TTC6: variants seen among roughly 807,000 people sequenced by gnomAD.
TTC6 encodes the protein tetratricopeptide repeat protein 6.
A neutral mutation model predicts 210.4 loss-of-function variants in TTC6; 172 were observed. The observed-to-expected ratio is 0.82, with a 90% confidence interval of 0.72 to 0.93. The LOEUF (loss-of-function observed/expected upper bound fraction) is 0.93, where lower values mean the gene tolerates loss of function less well. TTC6 is among the 40% of genes least tolerant of loss of function. The probability of loss-of-function intolerance (pLI) is 0.00; values close to 1 mark genes in which losing one functional copy is unlikely to be tolerated. For synonymous variants in TTC6, 804 were observed against 819.6 expected (o/e 0.98, Z 0.32); for missense variants, 2,414 against 2,318.1 (o/e 1.04, Z -0.85).
intron 28 of TTC6, 87 bp downstream of exon 30, chr14:37,826,434 T>C: frequency 8.5e-7 from 1 of 1,180,436 alleles, no homozygotes. Context: ...CTGTTAGCTT[T>C]TTAAAGTGAC....
intron 10 of TTC6, among the ~76,000 whole-genome samples, chr14:37,741,034 ACT>A (rs2095917401): frequency 6.6e-6 from 1 of 152,044 alleles, no homozygotes; most frequent in African/African-American, 2.4e-5. Flanking sequence ...CTAATAACTG[ACT>A]CTGAAATTTG....
At chr14:37,624,140 G>A (rs573365821) in intron 1 of TTC6, among the ~76,000 whole-genome samples, 3 of 152,282 alleles carry the variant, frequency 2.0e-5, no homozygotes, top group African/African-American at 4.8e-5. Flanking sequence ...GCAAAAACAG[G>A]TATGAACAAG....
chr14:37,720,064 A>T (rs890857258), intron 6 of TTC6, among the ~76,000 whole-genome samples: 1 of 152,230 alleles, frequency 6.6e-6, no homozygotes, highest in Admixed American at 6.5e-5. Context: ...TAGGATATAT[A>T]GATGGCAAAG....
intron 10 of TTC6, among the ~76,000 whole-genome samples, chr14:37,747,835 C>A (rs893405545): frequency 4.6e-5 from 7 of 152,154 alleles, no homozygotes; most frequent in Non-Finnish European, 7.3e-5. Flanking sequence ...AAGGAGCCAG[C>A]CAGTCAGAAG....
chr14:37,812,283 T>C (rs761959256), intron 24 of TTC6, 31 bp from the exon 27 acceptor site: 2 of 1,601,736 alleles, frequency 1.2e-6, no homozygotes, highest in African/African-American at 1.3e-5. Flanking sequence ...CTCTAAAAAG[T>C]TGAATCTATG....
chr14:37,795,651 A>T (rs927848080), intron 18 of TTC6, among the ~76,000 whole-genome samples: 9 of 152,154 alleles, frequency 5.9e-5, no homozygotes, highest in African/African-American at 1.7e-4. Context: ...CATAAGAGTA[A>T]GGTAACGTAT....
intron 10 of TTC6, 142 bp downstream of exon 12, chr14:37,739,297 C>G: frequency 4.4e-6 from 4 of 917,538 alleles, no homozygotes; most frequent in Non-Finnish European, 6.0e-6. Context: ...AAACCTCTGG[C>G]TGGGCGCCGT....
intron 7 of TTC6, among the ~76,000 whole-genome samples, chr14:37,728,079 C>T (rs1242200710): frequency 6.6e-6 from 1 of 152,114 alleles, no homozygotes; most frequent in African/African-American, 2.4e-5. Context: ...CATGAAGTCT[C>T]AGTTTTTTTT....
intron 3 of TTC6, among the ~76,000 whole-genome samples, chr14:37,690,496 A>G (rs963607557): frequency 2.6e-5 from 4 of 152,148 alleles, no homozygotes; most frequent in African/African-American, 7.2e-5. Context: ...CACTTCATCT[A>G]TAAAGACACA....
intron 5 of TTC6, 143 bp downstream of exon 7, chr14:37,701,669 T>G: frequency 1.5e-6 from 1 of 646,404 alleles, no homozygotes; most frequent in Non-Finnish European, 2.5e-6. Context: ...TTTCTGCTGC[T>G]TCCTCAGGTA....
At position 37,781,091 on chromosome 14, in the gene TTC6, G is replaced by A. The variant is rs141004633; in HGVS notation, c.3267-6377G>A. On this transcript the variant is annotated intron_variant, in intron 14 of 30. Transcript: ENST00000553443. ...TTGAATAATGCCACCATAAACATAC[G>A]TGTGCATGTGTCTTTATCATAAAAT... Among the ~76,000 whole-genome samples, 196 of 152,232 alleles carry A rather than the reference G, an allele frequency of 1.3e-3. 2 individuals are homozygous for A. The East Asian group carries it at 0.028, about 22-fold the overall frequency.
intron 1 of TTC6, among the ~76,000 whole-genome samples, chr14:37,625,899 A>C (rs2095659479): frequency 6.6e-6 from 1 of 152,198 alleles, no homozygotes; most frequent in African/African-American, 2.4e-5. Context: ...TTAGCTGTCA[A>C]ATGTCAGACA....
At chr14:37,714,887 T>A in intron 6 of TTC6, 91 bp downstream of exon 8, 1 of 1,264,644 alleles carries the variant, frequency 7.9e-7, no homozygotes, top group Non-Finnish European at 1.1e-6. Context: ...TTAAAAATTA[T>A]TGAGGGCTGG....
intron 15 of TTC6, among the ~76,000 whole-genome samples, chr14:37,789,498 T>A (rs982338133): frequency 1.3e-5 from 2 of 151,392 alleles, no homozygotes; most frequent in African/African-American, 4.8e-5. Context: ...GTATATACTA[T>A]GGTTAAACCT....
chr14:37,735,893 A>AT, intron 7 of TTC6, 28 bp from the exon 10 acceptor site: 1 of 1,386,020 alleles, frequency 7.2e-7, no homozygotes. Flanking sequence ...CCAAAACATA[A>AT]TTTAAAATTG....
chr14:37,651,155 A>G (rs2095710368), intron 1 of TTC6, among the ~76,000 whole-genome samples: 1 of 151,804 alleles, frequency 6.6e-6, no homozygotes, highest in South Asian at 2.1e-4. Flanking sequence ...AGTGTTTATG[A>G]ATTTTCTTTA....
At chr14:37,783,669 C>T (rs904018646) in intron 14 of TTC6, among the ~76,000 whole-genome samples, 1 of 152,076 alleles carries the variant, frequency 6.6e-6, no homozygotes, top group Non-Finnish European at 1.5e-5. Context: ...TTGCCTTCTG[C>T]TAGCTTTTGA....
chr14:37,730,244 C>G (rs1008181945), intron 7 of TTC6, among the ~76,000 whole-genome samples: 1 of 152,070 alleles, frequency 6.6e-6, no homozygotes, highest in African/African-American at 2.4e-5. Context: ...TTATTTTCAC[C>G]TGTTATTCCT....
At chr14:37,619,065 G>A (rs539228077), upstream of TTC6, among the ~76,000 whole-genome samples, 3 of 152,164 alleles carry the variant, frequency 2.0e-5, no homozygotes, top group African/African-American at 7.2e-5. Context: ...AATACTATGC[G>A]GGGCGGGGGG....
Sources: allele counts gnomAD v4.1 joint callset (sites outside exome capture counted in the v4.1 genomes callset), GRCh38; gene constraint gnomAD v4.1.1; transcripts MANE v1.5; gene names NCBI Gene and HGNC (gene_info 2026-07-23, HGNC 2026-07-21).